G3BP2: variants seen among roughly 807,000 people sequenced by gnomAD.
G3BP2 encodes ras GTPase-activating protein-binding protein 2.
Under a neutral mutation model 56.7 loss-of-function variants are expected in G3BP2, and 11 were observed. The ratio of observed to expected loss-of-function variants is 0.19; its 90% CI spans 0.12 to 0.32. G3BP2 has a LOEUF of 0.32. G3BP2 is among the 10% of genes least tolerant of loss of function. The pLI is 1.00. For missense variants in G3BP2, 340 were observed against 610.9 expected, an observed-to-expected ratio of 0.56 and a Z score of 4.67; for synonymous variants, 165 against 191.6, an observed-to-expected ratio of 0.86 and a Z score of 1.15.
At chr4:75,677,400 G>A (rs1015596928), upstream of G3BP2, among the ~76,000 whole-genome samples, 2 of 151,822 alleles carry the variant, frequency 1.3e-5, no homozygotes, top group Non-Finnish European at 2.9e-5. Context: ...GTGAAACCCC[G>A]TCTCTACTAA....
At chr4:75,721,250 C>CT (rs568380952) in intron 2 of G3BP2, among the ~76,000 whole-genome samples, 15,604 of 134,256 alleles carry the variant, frequency 0.12, 1,290 homozygotes, top group South Asian at 0.26. Flanking sequence ...CTCAACTAGT[C>CT]TTTTTTTTTT....
chr4:75,645,114 ATT>A lies in G3BP2; in HGVS notation c.*314_*315del. ...ACTTAAACAAAATGTGCAGCAGAAGATTTTTTTTTTACTCAAAGGACCTGAAT... is the reference window on the plus strand; with the variant it reads ...ACTTAAACAAAATGTGCAGCAGAAGATTTTTTTTACTCAAAGGACCTGAAT... On this transcript the variant is annotated 3_prime_UTR_variant, in exon 12 of 12. Coordinates refer to ENST00000359707, the MANE Select transcript of G3BP2 (RefSeq NM_203505.3). 1.1e-5 allele frequency: 3 copies of A among 277,798 alleles called. No individual in the cohort carries two copies. The highest frequency in any genetic ancestry group is 7.5e-5 in the East Asian group (1 of 13,398). The allele number at this position is 277,798 out of a possible 1,614,324, so 17.2% of individuals were successfully genotyped here.
chr4:75,724,422 A>G (rs1720312922), exon 1 of G3BP2: 2 of 244,484 alleles, frequency 8.2e-6, no homozygotes, highest in Non-Finnish European at 1.6e-5. Flanking sequence ...TCCAGCCTGC[A>G]GGGCCGGGCT....
chr4:75,701,657 A>G (rs1164934813), intron 3 of G3BP2, among the ~76,000 whole-genome samples: 1 of 151,998 alleles, frequency 6.6e-6, no homozygotes, highest in East Asian at 1.9e-4. Context: ...CAAACTCCTG[A>G]CCTCAGGTGA....
In G3BP2 at chr4:75,648,647, G is replaced by A; in HGVS notation, c.920C>T (p.Pro307Leu). ...TAAAGGAGCTGACTCACCTGGTCTT[G>A]GTCCTCTAGGAGGAAAACCAGGTCG... is the stretch of plus-strand genomic sequence containing the variant. ...RERPGFPPRGPRPGRGDMEQN... is the reference protein window; with the variant it reads ...RERPGFPPRGLRPGRGDMEQN... The change falls in exon 9 of 12, where the codon CCA becomes CTA. Residue 307 changes from proline (P) to leucine (L), a missense_variant. Physicochemically the swap from Pro to Leu is moderately conservative, Grantham distance 98. This residue lies in a region of G3BP2 where 224 missense variants were observed against 332.5 expected (regional missense o/e 0.67). Coordinates refer to ENST00000359707, the MANE Select transcript of G3BP2 (RefSeq NM_203505.3). The A allele has an allele frequency of 6.4e-7, 1 of 1,565,848 alleles. No homozygotes were observed. Among genetic ancestry groups the A allele is most frequent in the South Asian group, 1.1e-5 (1 of 89,914 alleles).
chr4:75,660,758 C>T (rs1056464524), intron 2 of G3BP2, among the ~76,000 whole-genome samples: 7 of 152,254 alleles, frequency 4.6e-5, no homozygotes, highest in Non-Finnish European at 5.9e-5. Context: ...ATATATTTAT[C>T]CTTAACCCAT....
At chr4:75,657,253 TAATAG>T (rs1407916826) in intron 4 of G3BP2, among the ~76,000 whole-genome samples, 4 of 152,208 alleles carry the variant, frequency 2.6e-5, no homozygotes, top group African/African-American at 9.6e-5. Context: ...AACAGCTATT[TAATAG>T]AAAAGAAACC....
rs1456376707 is a variant in G3BP2, at chr4:75,643,032, G to A, written c.*2398C>T. 6.6e-6 allele frequency: 1 copy of A among 152,262 alleles called. No individual in the cohort carries two copies. The highest frequency in any genetic ancestry group is 1.5e-5 in the Non-Finnish European group (1 of 67,904). The allele number at this position is 152,262 out of a possible 1,614,324, so 9.4% of individuals were successfully genotyped here. A position where few individuals can be genotyped will look rare whatever the true frequency, so the allele number is the denominator to read the frequency against. Reference sequence around the variant, plus strand: ...ACCATCAAAAAATAAAACAAAATCAGCAAATAACAGTAATGGTAGATGAAT... The same window carrying A: ...ACCATCAAAAAATAAAACAAAATCAACAAATAACAGTAATGGTAGATGAAT... On this transcript the variant is annotated 3_prime_UTR_variant, in exon 12 of 12. Transcript: ENST00000359707.
At chr4:75,666,028 T>G (rs757201945) in intron 1 of G3BP2, among the ~76,000 whole-genome samples, 4 of 152,222 alleles carry the variant, frequency 2.6e-5, no homozygotes, top group African/African-American at 9.7e-5. Flanking sequence ...GAGTACATAC[T>G]GATCTATCAT....
At chr4:75,687,676 G>T (rs993226403) in intron 3 of G3BP2, among the ~76,000 whole-genome samples, 1 of 152,112 alleles carries the variant, frequency 6.6e-6, no homozygotes, top group Non-Finnish European at 1.5e-5. Flanking sequence ...CTAATTTTAT[G>T]GGCACACATG....
At chr4:75,702,521 A>C (rs543532348) in intron 3 of G3BP2, among the ~76,000 whole-genome samples, 2 of 152,112 alleles carry the variant, frequency 1.3e-5, no homozygotes, top group Non-Finnish European at 2.9e-5. Flanking sequence ...GTACAATTGA[A>C]TTTTGTCTTT....
chr4:75,657,896 A>G (rs1219882784), intron 3 of G3BP2, among the ~76,000 whole-genome samples, 166 bp from the exon 4 acceptor site: 2 of 152,214 alleles, frequency 1.3e-5, no homozygotes, highest in South Asian at 4.1e-4. Context: ...TGATGTTCCT[A>G]AAGAAGAAAT....
intron 1 of G3BP2, chr4:75,723,959 C>G (rs967761802): frequency 1.3e-5 from 2 of 151,652 alleles, no homozygotes; most frequent in Non-Finnish European, 2.9e-5. Context: ...TTATGTTACT[C>G]GCCAAACTGA....
At chr4:75,661,629 C>G (rs4859542) in intron 2 of G3BP2, 169,580 of 193,724 alleles carry the variant, frequency 0.88, 74,335 homozygotes, top group East Asian at 0.92. Flanking sequence ...CTGCACTCCA[C>G]CCTGAGTGAC....
At chr4:75,661,819 A>G (rs1732588621) in intron 2 of G3BP2, 112 bp downstream of exon 2, 1 of 624,260 alleles carries the variant, frequency 1.6e-6, no homozygotes, top group Non-Finnish European at 2.9e-6. Context: ...CAGTTTAGAC[A>G]TGTTTACAAA....
At chr4:75,703,814 C>T (rs1553986) in intron 3 of G3BP2, among the ~76,000 whole-genome samples, 133,230 of 152,158 alleles carry the variant, frequency 0.88, 58,345 homozygotes, top group East Asian at 0.91. Flanking sequence ...CTTTGGCTAT[C>T]TATTTGATTC....
intron 3 of G3BP2, among the ~76,000 whole-genome samples, chr4:75,717,679 G>A (rs1719981821): frequency 6.6e-6 from 1 of 152,160 alleles, no homozygotes; most frequent in Non-Finnish European, 1.5e-5. Flanking sequence ...TATTGAATGG[G>A]ACAGTAAAGA....
chr4:75,662,373 C>CGT lies in G3BP2; in HGVS notation c.-24-325_-24-324insAC, dbSNP rs1560621255. The CGT allele has an allele frequency of 7.9e-3, 1,368 of 173,088 alleles. 19 individuals carry two copies. Among genetic ancestry groups the CGT allele is most frequent in the African/African-American group, 0.031 (1,292 of 41,752 alleles). The allele number at this position is 173,088 out of a possible 1,614,324, so 10.7% of individuals were successfully genotyped here. A position where few individuals can be genotyped will look rare whatever the true frequency, so the allele number is the denominator to read the frequency against. On this transcript the variant is annotated intron_variant, in intron 1 of 11. Transcript: ENST00000359707. ...GAGTAGCTGGGATTACAGGCATACG[C>CGT]CACCACACCTGGCTAATTATGTATT...
intron 3 of G3BP2, among the ~76,000 whole-genome samples, chr4:75,707,415 A>G (rs1269047834): frequency 1.3e-5 from 2 of 151,726 alleles, no homozygotes; most frequent in East Asian, 3.9e-4. Flanking sequence ...AGGTCAGGAG[A>G]TCAAGGCCAC....
Sources: gnomAD v4.1 joint callset for allele counts (sites outside exome capture counted in the v4.1 genomes callset) on GRCh38, gnomAD v4.1.1 for gene constraint, gnomAD v4.1.1 regional missense constraint, MANE v1.5 for transcripts, NCBI Gene and HGNC (gene_info 2026-07-23, HGNC 2026-07-21) for gene names.